Variants in MEI4 observed in about 807,000 individuals in gnomAD.
The protein encoded by MEI4 is meiosis-specific protein MEI4.
MEI4 carries 27 observed loss-of-function variants against 31.4 expected under a neutral mutation model. The ratio of observed to expected loss-of-function variants is 0.86; its 90% CI spans 0.63 to 1.19. The LOEUF is 1.19. Among genes scored for constraint, MEI4 ranks in the 50% most tolerant of loss-of-function variants. MEI4 has a pLI of 0.00. For missense variants in MEI4, 329 were observed against 398.9 expected, an observed-to-expected ratio of 0.82 and a Z score of 1.49; for synonymous variants, 122 against 145.4, an observed-to-expected ratio of 0.84 and a Z score of 1.16.
At chr6:77,650,368 C>T (rs1768278331), upstream of MEI4, among the ~76,000 whole-genome samples, 1 of 152,206 alleles carries the variant, frequency 6.6e-6, no homozygotes, top group South Asian at 2.1e-4. Flanking sequence ...GCCGCAGGGT[C>T]TTCTGGGGCT....
chr6:77,749,866 A>C (rs1443717603), intron 2 of MEI4, among the ~76,000 whole-genome samples: 1 of 152,212 alleles, frequency 6.6e-6, no homozygotes, highest in Non-Finnish European at 1.5e-5. Flanking sequence ...GGGCAGCCTG[A>C]GAGATAGGTT....
chr6:77,807,908 A>C (rs568692575), intron 3 of MEI4, among the ~76,000 whole-genome samples: 1 of 152,212 alleles, frequency 6.6e-6, no homozygotes, highest in Non-Finnish European at 1.5e-5. Context: ...CACACAAAAA[A>C]CAGATGCTAA....
intron 3 of MEI4, among the ~76,000 whole-genome samples, chr6:77,805,574 T>G (rs970693071): frequency 5.9e-5 from 9 of 152,102 alleles, no homozygotes; most frequent in Admixed American, 4.6e-4. Flanking sequence ...TTTTTATAAG[T>G]TGTAGAGAAA....
chr6:77,748,833 G>T (rs945709359), intron 2 of MEI4, among the ~76,000 whole-genome samples: 1 of 152,100 alleles, frequency 6.6e-6, no homozygotes, highest in Non-Finnish European at 1.5e-5. Flanking sequence ...GAAGTTCAAA[G>T]TTCCCAGTAG....
chr6:77,770,295 G>A (rs1305559115), intron 3 of MEI4, among the ~76,000 whole-genome samples: 1 of 151,900 alleles, frequency 6.6e-6, no homozygotes, highest in East Asian at 1.9e-4. Flanking sequence ...GCCTGAATAG[G>A]CCAATAACAA....
chr6:77,729,801 G>T (rs1561961245), intron 2 of MEI4, among the ~76,000 whole-genome samples: 1 of 152,114 alleles, frequency 6.6e-6, no homozygotes, highest in Admixed American at 6.5e-5. Context: ...ATTAATTTTA[G>T]TATTTTCTTC....
chr6:77,781,185 A>G (rs1422023458), intron 3 of MEI4, among the ~76,000 whole-genome samples: 1 of 152,152 alleles, frequency 6.6e-6, no homozygotes, highest in Admixed American at 6.5e-5. Flanking sequence ...GGTTTAAGCT[A>G]CCATATCTGG....
At chr6:77,736,522 G>A (rs1006023354) in intron 2 of MEI4, among the ~76,000 whole-genome samples, 1 of 152,020 alleles carries the variant, frequency 6.6e-6, no homozygotes, top group Non-Finnish European at 1.5e-5. Context: ...ACACTGACCT[G>A]CGCCCACTGT....
At chr6:77,774,234 A>T (rs570041557) in intron 3 of MEI4, among the ~76,000 whole-genome samples, 1 of 152,220 alleles carries the variant, frequency 6.6e-6, no homozygotes, top group African/African-American at 2.4e-5. Context: ...AGCATTATTC[A>T]CAATAGCTAA....
chr6:77,855,587 A>G (rs1289833049), intron 4 of MEI4, among the ~76,000 whole-genome samples: 1 of 152,216 alleles, frequency 6.6e-6, no homozygotes, highest in African/African-American at 2.4e-5. Flanking sequence ...AGTAAAGATT[A>G]AATTGGGAAT....
chr6:77,775,213 T>TG (rs1483099892), intron 3 of MEI4, among the ~76,000 whole-genome samples: 1 of 152,152 alleles, frequency 6.6e-6, no homozygotes, highest in Non-Finnish European at 1.5e-5. Flanking sequence ...CTATAGGATT[T>TG]GGGGGAACAG....
rs1767335650 is a variant in MEI4 at position 77,739,294 on chromosome 6, T to G, written c.233-21836T>G. Among the ~76,000 whole-genome samples the G allele has an allele frequency of 2.0e-5, 3 of 152,324 alleles. No homozygotes were observed. In the South Asian group the frequency reaches 6.2e-4, roughly 32 times the overall value. ...AGGAAGAGGTCCAGTTTCAGTTTTC[T>G]GCATATGGCTAATCAGTTTTCCCAG... On this transcript the variant is annotated intron_variant, in intron 2 of 4. Transcript: ENST00000684080.
chr6:77,883,745 A>ATATCTATCTATCTATCTAT (rs55947073), intron 4 of MEI4, among the ~76,000 whole-genome samples: 2 of 82,302 alleles, frequency 2.4e-5, no homozygotes, highest in African/African-American at 9.9e-5. Context: ...TATATATATA[A>ATATCTATCTATCTATCTAT]CTTTGTCTTT....
intron 3 of MEI4, among the ~76,000 whole-genome samples, chr6:77,796,848 C>T (rs781563744): frequency 1.3e-5 from 2 of 152,130 alleles, no homozygotes; most frequent in Non-Finnish European, 2.9e-5. Context: ...GCTAAAATTC[C>T]TGTGGAACCT....
chr6:77,817,115 A>G (rs191433144), intron 3 of MEI4, among the ~76,000 whole-genome samples: 1 of 152,204 alleles, frequency 6.6e-6, no homozygotes, highest in Admixed American at 6.6e-5. Flanking sequence ...TATTCTTATT[A>G]TACACATATT....
intron 3 of MEI4, among the ~76,000 whole-genome samples, chr6:77,810,643 G>A (rs2127704711): frequency 6.6e-6 from 1 of 152,252 alleles, no homozygotes; most frequent in East Asian, 1.9e-4. Flanking sequence ...CAGACTTCAT[G>A]AGGCTTTCTA....
Position 77,690,870 on chromosome 6 carries a change from G to A in MEI4, c.199G>A (p.Val67Met). The A allele has an allele frequency of 8.1e-7, 1 of 1,231,264 alleles. No individual in the cohort carries two copies. The highest frequency in any genetic ancestry group is 1.0e-6 in the Non-Finnish European group (1 of 987,256). The allele number at this position is 1,231,264 out of a possible 1,614,324, so 76.3% of individuals were successfully genotyped here. Residue 67 changes from valine (V) to methionine (M), a missense_variant, in exon 2 of 5, where the codon GTG becomes ATG. Physicochemically the swap from Val to Met is conservative, Grantham distance 21. Coordinates refer to ENST00000684080, the MANE Select transcript of MEI4 (RefSeq NM_001322247.2). The stretch of plus-strand genomic sequence containing the variant: ...TATGCAATTACGTCAAAAACTTCTT[G>A]TGAGCAGGCTTTGTTCAGGATCCTT... Reference protein sequence around the residue: ...EVMQLRQKLLVSRLCSGSFKS... With the variant: ...EVMQLRQKLLMSRLCSGSFKS...
chr6:77,884,718 C>T (rs9352538), intron 4 of MEI4, among the ~76,000 whole-genome samples: 125,711 of 152,176 alleles, frequency 0.83, 52,431 homozygotes, highest in East Asian at 0.95. Context: ...TGGATGGGCC[C>T]GTTTTTATAC....
intron 2 of MEI4, among the ~76,000 whole-genome samples, chr6:77,751,184 A>G (rs1178458425): frequency 2.6e-5 from 4 of 152,192 alleles, no homozygotes; most frequent in Non-Finnish European, 5.9e-5. Context: ...TAAAATCGAC[A>G]CCCTAACATC....
Sources: allele counts gnomAD v4.1 joint callset (sites outside exome capture counted in the v4.1 genomes callset), GRCh38; gene constraint gnomAD v4.1.1; transcripts MANE v1.5; gene names NCBI Gene and HGNC (gene_info 2026-07-23, HGNC 2026-07-21).